LIN28B: variants seen among roughly 807,000 people sequenced by gnomAD.
LIN28B encodes the protein protein lin-28 homolog B.
A neutral mutation model predicts 21.9 loss-of-function variants in LIN28B; 5 were observed. The observed-to-expected ratio is 0.23, with a 90% confidence interval of 0.12 to 0.48. The LOEUF (loss-of-function observed/expected upper bound fraction) is 0.48, where lower values mean the gene tolerates loss of function less well. LIN28B is among the 20% of genes least tolerant of loss of function. The pLI is 0.98. For missense variants in LIN28B, 245 were observed against 310.5 expected, an observed-to-expected ratio of 0.79 and a Z score of 1.58; for synonymous variants, 109 against 111.3, an observed-to-expected ratio of 0.98 and a Z score of 0.13.
At chr6:105,038,111 G>T (rs1355807067) in intron 3 of LIN28B, among the ~76,000 whole-genome samples, 1 of 152,114 alleles carries the variant, frequency 6.6e-6, no homozygotes, top group Non-Finnish European at 1.5e-5. Context: ...TAATAAAATT[G>T]CTCTAAAATT....
At chr6:105,014,741 C>T (rs144786376) in intron 2 of LIN28B, among the ~76,000 whole-genome samples, 234 of 152,268 alleles carry the variant, frequency 1.5e-3, no homozygotes, top group African/African-American at 5.3e-3. Flanking sequence ...ATATAAGCCA[C>T]TGTACCTGGC....
At chr6:104,994,743 T>TG (rs1770564848) in intron 2 of LIN28B, among the ~76,000 whole-genome samples, 1 of 152,202 alleles carries the variant, frequency 6.6e-6, no homozygotes, top group African/African-American at 2.4e-5. Context: ...TAGTTAAGTG[T>TG]GGGCAAAGGA....
chr6:104,941,898 T>TAAA (rs1336802885), intron 2 of LIN28B, among the ~76,000 whole-genome samples: 1 of 152,228 alleles, frequency 6.6e-6, no homozygotes, highest in Non-Finnish European at 1.5e-5. Flanking sequence ...TGTTTTCGAG[T>TAAA]AAAATCTAAC....
intron 2 of LIN28B, among the ~76,000 whole-genome samples, chr6:104,948,915 AC>A (rs1778188410): frequency 6.6e-6 from 1 of 152,168 alleles, no homozygotes; most frequent in African/African-American, 2.4e-5. Context: ...TTTAAAAAAA[AC>A]TCCAAAAGCT....
chr6:104,996,195 A>G (rs1161826657), intron 2 of LIN28B, among the ~76,000 whole-genome samples: 1 of 152,214 alleles, frequency 6.6e-6, no homozygotes, highest in Admixed American at 6.5e-5. Context: ...GGATGCCATC[A>G]GAAAGCAGGA....
intron 2 of LIN28B, among the ~76,000 whole-genome samples, chr6:104,949,122 G>A (rs1214431837): frequency 6.6e-6 from 1 of 151,906 alleles, no homozygotes; most frequent in Non-Finnish European, 1.5e-5. Flanking sequence ...AATATAAGCA[G>A]ATAGGATTAA....
chr6:104,938,772 T>C lies in LIN28B; in HGVS notation c.18+1656T>C, dbSNP rs1778044797. On this transcript the variant is annotated intron_variant, in intron 2 of 5. Coordinates refer to the LIN28B transcript ENST00000635857. The stretch of plus-strand genomic sequence containing the variant: ...TACTCCTTAATGCTTAGCCTATCAA[T>C]GTTCATCATCGCCCCTTTCGGGTAC... 2.0e-5 allele frequency among the ~76,000 whole-genome samples: 3 copies of C among 152,224 alleles called. No homozygotes were observed. The South Asian group carries it at 6.2e-4, about 32-fold the overall frequency.
chr6:104,947,546 A>G (rs991838928), intron 2 of LIN28B, among the ~76,000 whole-genome samples: 3 of 152,164 alleles, frequency 2.0e-5, no homozygotes, highest in Non-Finnish European at 2.9e-5. Context: ...ATATTGTTAT[A>G]TATTTTAGTA....
chr6:105,018,181 A>T (rs931568347), intron 2 of LIN28B, among the ~76,000 whole-genome samples: 3 of 151,714 alleles, frequency 2.0e-5, no homozygotes, highest in African/African-American at 7.3e-5. Flanking sequence ...TAGCTACTTG[A>T]GAGGCTGAGG....
chr6:104,964,428 A>G (rs564203623), intron 2 of LIN28B, among the ~76,000 whole-genome samples: 34 of 152,362 alleles, frequency 2.2e-4, no homozygotes, highest in Non-Finnish European at 3.8e-4. Context: ...GTTATATTCT[A>G]TAGACTTGAT....
intron 2 of LIN28B, among the ~76,000 whole-genome samples, chr6:104,991,502 G>A (rs1469155950): frequency 1.3e-5 from 2 of 151,694 alleles, no homozygotes; most frequent in African/African-American, 2.4e-5. Flanking sequence ...GATGGCGGCC[G>A]GGAAGAGGCG....
intron 2 of LIN28B, among the ~76,000 whole-genome samples, chr6:105,014,963 T>C (rs1286262007): frequency 6.6e-6 from 1 of 152,016 alleles, no homozygotes; most frequent in South Asian, 2.1e-4. Flanking sequence ...TAATTATTTA[T>C]CTTTTTATTT....
chr6:105,007,512 T>TA (rs1770841668), intron 2 of LIN28B, among the ~76,000 whole-genome samples: 1 of 152,046 alleles, frequency 6.6e-6, no homozygotes, highest in Non-Finnish European at 1.5e-5. Flanking sequence ...ATAAAGCATA[T>TA]ATATTTTTAA....
Position 105,079,739 on chromosome 6 carries a change from T to G in LIN28B, c.*956T>G, listed in dbSNP as rs1772505272. ...CATTGCTTAGAGCAGGGAGCCCTCC[T>G]TATTTACTACTGAAGACCTTAGAGA... is the stretch of plus-strand genomic sequence containing the variant. On this transcript the variant is annotated 3_prime_UTR_variant, in exon 4 of 4. Coordinates refer to ENST00000345080, the MANE Select transcript of LIN28B (RefSeq NM_001004317.4). The G allele has an allele frequency of 6.6e-6, 1 of 152,286 alleles. No homozygotes were observed. The highest frequency in any genetic ancestry group is 2.1e-4 in the South Asian group (1 of 4,836). 9.4% of individuals were successfully genotyped at this position (152,286 alleles called of 1,614,324 possible). A position where few individuals can be genotyped will look rare whatever the true frequency, so the allele number is the denominator to read the frequency against.
intron 2 of LIN28B, among the ~76,000 whole-genome samples, chr6:104,945,032 G>A (rs761211130): frequency 8.5e-5 from 13 of 152,090 alleles, no homozygotes; most frequent in Non-Finnish European, 1.6e-4. Context: ...GGCAAGAGCC[G>A]AAATGCTACT....
At chr6:104,992,855 C>A (rs915057045) in intron 2 of LIN28B, among the ~76,000 whole-genome samples, 1 of 152,016 alleles carries the variant, frequency 6.6e-6, no homozygotes, top group East Asian at 1.9e-4. Context: ...TAGCTTTATA[C>A]TTTTACTTTT....
intron 2 of LIN28B, among the ~76,000 whole-genome samples, chr6:104,999,821 C>T (rs1770684456): frequency 6.6e-6 from 1 of 152,116 alleles, no homozygotes; most frequent in South Asian, 2.1e-4. Context: ...GCTGGGACTA[C>T]AGGCATGTGC....
chr6:104,939,384 A>G (rs376774660), intron 2 of LIN28B: 1 of 152,252 alleles, frequency 6.6e-6, no homozygotes, highest in East Asian at 1.9e-4. Flanking sequence ...AGCTCAATGG[A>G]AAGTTGAGCA....
At chr6:105,001,115 A>G (rs1770708954) in intron 2 of LIN28B, among the ~76,000 whole-genome samples, 1 of 152,208 alleles carries the variant, frequency 6.6e-6, no homozygotes, top group Non-Finnish European at 1.5e-5. Context: ...GCAGATAGTA[A>G]ACAAGAAGAT....
Sources: allele counts gnomAD v4.1 joint callset (sites outside exome capture counted in the v4.1 genomes callset), GRCh38; gene constraint gnomAD v4.1.1; transcripts MANE v1.5; gene names NCBI Gene and HGNC (gene_info 2026-07-23, HGNC 2026-07-21).